MAX: variants seen among roughly 807,000 people sequenced by gnomAD.
MAX encodes the protein MYC associated transcriptional regulator X, also known as protein max.
MAX carries 3 observed loss-of-function variants against 22.3 expected under a neutral mutation model. That is an observed-to-expected ratio of 0.13 (90% CI 0.06 to 0.35). The LOEUF is 0.35. MAX is among the 10% of genes least tolerant of loss of function. The probability of loss-of-function intolerance (pLI) is 1.00; values close to 1 mark genes in which losing one functional copy is unlikely to be tolerated. For synonymous variants in MAX, 72 were observed against 77.7 expected, an observed-to-expected ratio of 0.93 and a Z score of 0.39; for missense variants, 119 against 209.4, an observed-to-expected ratio of 0.57 and a Z score of 2.66.
intron 3 of MAX, among the ~76,000 whole-genome samples, chr14:65,051,671 A>G (rs2062614393): frequency 6.6e-6 from 1 of 151,978 alleles, no homozygotes; most frequent in Admixed American, 6.6e-5. Context: ...ATCTCTTTAT[A>G]GACTGTATCA....
At position 65,062,545 on chromosome 14, in the gene MAX, T is replaced by C. The variant is rs1349028303; in HGVS notation, c.171+31163A>G. 6.5e-6 allele frequency: 1 copy of C among 152,712 alleles called. No homozygotes were observed. The highest frequency in any genetic ancestry group is 2.4e-5 in the African/African-American group (1 of 41,478). The allele number at this position is 152,712 out of a possible 1,614,324, so 9.5% of individuals were successfully genotyped here. On this transcript the variant is annotated intron_variant, in intron 3 of 3. Transcript: ENST00000341653. This position sits in a 1 kb window ranked among gnomAD's most constrained non-coding sequence, Gnocchi z 4.3. ...CAGACAGGAGCTCAGAGATGCAGCATGAGGCGCTTAGAAAAACCTGGCCAT... is the reference window on the plus strand; with the variant it reads ...CAGACAGGAGCTCAGAGATGCAGCACGAGGCGCTTAGAAAAACCTGGCCAT...
In MAX at chr14:65,075,623, C is replaced by T. The variant is rs2063038178; in HGVS notation, c.*853G>A. Reference sequence around the variant, plus strand: ...GAAATAGGTACAATTCACTCAGATTCAAATTTAAGTAGCAGGAAATAAATA... The same window carrying T: ...GAAATAGGTACAATTCACTCAGATTTAAATTTAAGTAGCAGGAAATAAATA... On this transcript the variant is annotated 3_prime_UTR_variant, in exon 5 of 5. Coordinates refer to ENST00000358664, the MANE Select transcript of MAX (RefSeq NM_002382.5). The surrounding 1 kb of genome is among the most constrained non-coding windows in gnomAD (Gnocchi z 4.1). 1 of 1,066,240 alleles carries T rather than the reference C, an allele frequency of 9.4e-7. No individual in the cohort carries two copies. The allele number at this position is 1,066,240 out of a possible 1,614,324, so 66.0% of individuals were successfully genotyped here. A position where few individuals can be genotyped will look rare whatever the true frequency, so the allele number is the denominator to read the frequency against.
At position 65,075,701 on chromosome 14, in the gene MAX, C is replaced by A; in HGVS notation, c.*775G>T. The A allele has an allele frequency of 9.4e-7, 1 of 1,066,476 alleles. No homozygotes were observed. The highest frequency in any genetic ancestry group is 5.0e-5 in the East Asian group (1 of 20,184). 66.1% of individuals were successfully genotyped at this position (1,066,476 alleles called of 1,614,324 possible). ...CAAAACCTCTATGCCACCCAAAACA[C>A]CCTCCCTGTCCCAACCCCAAATGGC... On this transcript the variant is annotated 3_prime_UTR_variant, in exon 5 of 5. Coordinates refer to ENST00000358664, the MANE Select transcript of MAX (RefSeq NM_002382.5). This position sits in a 1 kb window ranked among gnomAD's most constrained non-coding sequence, Gnocchi z 4.1.
chr14:65,022,815 C>T (rs1276522220), intron 3 of MAX, among the ~76,000 whole-genome samples: 1 of 152,174 alleles, frequency 6.6e-6, no homozygotes, highest in Non-Finnish European at 1.5e-5. Flanking sequence ...TTGTTCTTCA[C>T]AACTCGTGGA....
chr14:65,044,403 G>A lies in MAX; in HGVS notation c.172-38119C>T, dbSNP rs138494513. 1,176 of 1,612,936 alleles carry A rather than the reference G, an allele frequency of 7.3e-4. 10 individuals carry two copies. The highest frequency in any genetic ancestry group is 9.0e-4 in the Admixed American group (54 of 59,776). On this transcript the variant is annotated intron_variant, in intron 3 of 3. Transcript: ENST00000341653. This position sits in a 1 kb window ranked among gnomAD's most constrained non-coding sequence, Gnocchi z 5.5. ...ATGGCTGCTACTCCTTCTGGCAGGCGGGGCTCCTGCCCCTGCTCCACCGCG... is the reference window on the plus strand; with the variant it reads ...ATGGCTGCTACTCCTTCTGGCAGGCAGGGCTCCTGCCCCTGCTCCACCGCG...
downstream of MAX, among the ~76,000 whole-genome samples, chr14:65,072,251 C>T (rs745943208): frequency 2.2e-4 from 33 of 152,168 alleles, no homozygotes; most frequent in Non-Finnish European, 3.7e-4. Context: ...GAAATGAGTG[C>T]TGCCCCATGT....
At chr14:65,053,815 C>A (rs1009666454) in intron 3 of MAX, among the ~76,000 whole-genome samples, 1 of 152,164 alleles carries the variant, frequency 6.6e-6, no homozygotes, top group Non-Finnish European at 1.5e-5. Flanking sequence ...TTGTTACCCA[C>A]CCTCTGTCTT....
rs545680423 is a variant in MAX at position 65,054,239 on chromosome 14, A to G, written c.171+39469T>C. Among the ~76,000 whole-genome samples the G allele has an allele frequency of 6.6e-6, 1 of 152,116 alleles. No homozygotes were observed. ...GTGATCCTCCTGCTTCAGCCTCCCA[A>G]GTAACTGGAATTACAGGCATCGGCC... On this transcript the variant is annotated intron_variant, in intron 3 of 3. Coordinates refer to the MAX transcript ENST00000341653. The surrounding 1 kb of genome is among the most constrained non-coding windows in gnomAD (Gnocchi z 4.4).
chr14:65,102,695 G>A (rs1174123098), upstream of MAX: 2 of 418,196 alleles, frequency 4.8e-6, no homozygotes, highest in South Asian at 2.0e-4. Flanking sequence ...AGCCCGGCTT[G>A]TTGACGGAGC....
chr14:65,075,842 GGAGT>G lies in MAX; in HGVS notation c.*630_*633del. 1.9e-6 allele frequency: 2 copies of G among 1,067,244 alleles called. No individual in the cohort carries two copies. The highest frequency in any genetic ancestry group is 2.3e-6 in the Non-Finnish European group (2 of 880,450). 66.1% of individuals were successfully genotyped at this position (1,067,244 alleles called of 1,614,324 possible). On this transcript the variant is annotated 3_prime_UTR_variant, in exon 5 of 5. Coordinates refer to ENST00000358664, the MANE Select transcript of MAX (RefSeq NM_002382.5). This position sits in a 1 kb window ranked among gnomAD's most constrained non-coding sequence, Gnocchi z 4.1. ...CTTAAACAGCTGGCTGAGAGAAGCA[GGAGT>G]GAAACATGCCAGCGACTCTGTGCTG... is the stretch of plus-strand genomic sequence containing the variant.
chr14:65,008,731 CA>C (rs2061635858), intron 3 of MAX, among the ~76,000 whole-genome samples: 1 of 152,208 alleles, frequency 6.6e-6, no homozygotes, highest in Non-Finnish European at 1.5e-5. Context: ...GACCAGAGCT[CA>C]GGGGCGGAGA....
At chr14:65,068,352 T>C (rs2062952333) in intron 3 of MAX, among the ~76,000 whole-genome samples, 1 of 152,178 alleles carries the variant, frequency 6.6e-6, no homozygotes, top group Non-Finnish European at 1.5e-5. Flanking sequence ...GGAGAATCGC[T>C]TGAACCTGGG....
At chr14:65,037,014 C>T (rs547023151) in intron 3 of MAX, among the ~76,000 whole-genome samples, 26 of 151,852 alleles carry the variant, frequency 1.7e-4, no homozygotes, top group African/African-American at 6.0e-4. Context: ...GCTGGGCACT[C>T]GATTTGGAAG....
At position 65,076,949 on chromosome 14, in the gene MAX, G is replaced by C; in HGVS notation, c.296-286C>G. Reference sequence around the variant, plus strand: ...TCCTGCCGTGGAAGCCCCGTGGAGAGACTGGAGCGTGAGCTCCCTGTGGGA... The same window carrying C: ...TCCTGCCGTGGAAGCCCCGTGGAGACACTGGAGCGTGAGCTCCCTGTGGGA... On this transcript the variant is annotated intron_variant, in intron 4 of 4. Transcript: ENST00000358664. The surrounding 1 kb of genome is among the most constrained non-coding windows in gnomAD (Gnocchi z 6.6). 1 of 568,142 alleles carries C rather than the reference G, an allele frequency of 1.8e-6. No homozygotes were observed. Among genetic ancestry groups the C allele is most frequent in the Non-Finnish European group, 3.1e-6 (1 of 317,854 alleles). 35.2% of individuals were successfully genotyped at this position (568,142 alleles called of 1,614,324 possible). A position where few individuals can be genotyped will look rare whatever the true frequency, so the allele number is the denominator to read the frequency against.
rs566909773 is a variant in MAX at position 65,023,542 on chromosome 14, A to C, written c.172-17258T>G. ...AGCAGAACTTTCTGTGATAATGAAA[A>C]TGTTCTATATTCTGTAAATGTCTAT... On this transcript the variant is annotated intron_variant, in intron 3 of 3. Transcript: ENST00000341653. This position sits in a 1 kb window ranked among gnomAD's most constrained non-coding sequence, Gnocchi z 4.1. 5.3e-5 allele frequency among the ~76,000 whole-genome samples: 8 copies of C among 152,344 alleles called. No individual in the cohort carries two copies. The highest frequency in any genetic ancestry group is 1.9e-4 in the African/African-American group (8 of 41,588).
In MAX at chr14:65,093,555, G is replaced by A. The variant is rs1264833301; in HGVS notation, c.171+153C>T. 7.3e-6 allele frequency: 5 copies of A among 687,866 alleles called. No individual in the cohort carries two copies. Among genetic ancestry groups the A allele is most frequent in the Non-Finnish European group, 1.3e-5 (5 of 372,642 alleles). The allele number at this position is 687,866 out of a possible 1,614,324, so 42.6% of individuals were successfully genotyped here. ...GGATAAACTGGAGTACGTAAGGTGT[G>A]CAGTGATCCTCCAAACAGTCAAAAA... On this transcript the variant is annotated intron_variant, in intron 3 of 4. Transcript: ENST00000358664. This position sits in a 1 kb window ranked among gnomAD's most constrained non-coding sequence, Gnocchi z 4.4.
intron 1 of MAX, 79 bp downstream of exon 1, chr14:65,102,225 C>T (rs1439846157): frequency 6.3e-7 from 1 of 1,592,948 alleles, no homozygotes; most frequent in East Asian, 2.3e-5. Context: ...GGCCCCCTCC[C>T]GCCGTCGCCC....
intron 3 of MAX, among the ~76,000 whole-genome samples, chr14:65,080,694 TAA>T (rs2063177856): frequency 6.6e-6 from 1 of 152,236 alleles, no homozygotes; most frequent in Non-Finnish European, 1.5e-5. Context: ...TCCCTCTATT[TAA>T]ATTTGCCTAT....
intron 2 of MAX, among the ~76,000 whole-genome samples, chr14:65,098,494 T>C (rs963945618): frequency 2.6e-5 from 4 of 152,162 alleles, no homozygotes; most frequent in Non-Finnish European, 5.9e-5. Flanking sequence ...GGATGGTCAC[T>C]GGAAAAAAAA....
Sources: allele counts gnomAD v4.1 joint callset (sites outside exome capture counted in the v4.1 genomes callset), GRCh38; gene constraint gnomAD v4.1.1; non-coding constraint Gnocchi (gnomAD v3.1); transcripts MANE v1.5; gene names NCBI Gene and HGNC (gene_info 2026-07-23, HGNC 2026-07-21).